The following CELF2 variants were observed in gnomAD, a reference collection of about 807,000 sequenced individuals.
CELF2 encodes CUG triplet repeat RNA-binding protein 2.
In CELF2, 8 loss-of-function variants were observed where a neutral mutation model predicts 62.6. The ratio of observed to expected loss-of-function variants is 0.13; its 90% CI spans 0.07 to 0.23. The LOEUF (loss-of-function observed/expected upper bound fraction) is 0.23, where lower values mean the gene tolerates loss of function less well. Ranked by LOEUF, CELF2 falls within the 10% of genes least tolerant of loss-of-function variation. The pLI, the probability that CELF2 is intolerant of heterozygous loss-of-function variation, is 1.00. For missense variants in CELF2, 333 were observed against 671.0 expected, an observed-to-expected ratio of 0.50 and a Z score of 5.56; for synonymous variants, 258 against 250.0, an observed-to-expected ratio of 1.03 and a Z score of -0.30.
chr10:11,105,274 G>T (rs1360024641), intron 1 of CELF2, among the ~76,000 whole-genome samples: 1 of 152,192 alleles, frequency 6.6e-6, no homozygotes, highest in Non-Finnish European at 1.5e-5. Flanking sequence ...CTTCCTGGTT[G>T]TGTGGCTTTG....
At chr10:11,258,446 A>G (rs930636253) in intron 5 of CELF2, among the ~76,000 whole-genome samples, 14 of 152,208 alleles carry the variant, frequency 9.2e-5, no homozygotes, top group Admixed American at 4.6e-4. Context: ...CAGAAAAGCG[A>G]CTTTACCCTG....
At chr10:10,646,645 G>A in the CELF2 span, among the ~76,000 whole-genome samples, 8 of 152,292 alleles carry the variant, frequency 5.3e-5, no homozygotes, top group Non-Finnish European at 1.2e-4. Flanking sequence ...TCCAAATCTA[G>A]TATTACTTCC....
intron 1 of CELF2, among the ~76,000 whole-genome samples, chr10:11,029,555 T>C (rs1252780999): frequency 9.2e-5 from 14 of 152,232 alleles, no homozygotes; most frequent in Non-Finnish European, 2.1e-4. Flanking sequence ...GCTGTGAATG[T>C]GACCTCCAAA....
chr10:10,922,111 AT>A (rs1430819298), intron 2 of CELF2, among the ~76,000 whole-genome samples: 1 of 127,426 alleles, frequency 7.8e-6, no homozygotes, highest in Non-Finnish European at 1.6e-5. Flanking sequence ...ATCAAGATTA[AT>A]ATTGCCAAAA....
the CELF2 span, among the ~76,000 whole-genome samples, chr10:10,640,544 G>C: frequency 6.6e-6 from 1 of 152,156 alleles, no homozygotes; most frequent in Admixed American, 6.5e-5. Flanking sequence ...ATAATGGTCT[G>C]ATTCTGTAAT....
chr10:10,623,382 C>G, the CELF2 span, among the ~76,000 whole-genome samples: 1 of 152,246 alleles, frequency 6.6e-6, no homozygotes, highest in Non-Finnish European at 1.5e-5. Context: ...TAATTTACTC[C>G]GAATTACCTC....
At chr10:10,723,718 T>A in the CELF2 span, among the ~76,000 whole-genome samples, 1 of 152,218 alleles carries the variant, frequency 6.6e-6, no homozygotes, top group Non-Finnish European at 1.5e-5. Context: ...TGTACCATTC[T>A]GGGAGGACGA....
rs1438096164 is a variant in CELF2, at chr10:11,012,439, C to T, written c.53+6999C>T. The stretch of plus-strand genomic sequence containing the variant: ...ACATTCAGGCACATGGGCTGTCATG[C>T]CCAGAGAGATTCCCTCTGAAGTAGA... On this transcript the variant is annotated intron_variant, in intron 1 of 12. Coordinates refer to the CELF2 transcript ENST00000416382. This position sits in a 1 kb window ranked among gnomAD's most constrained non-coding sequence, Gnocchi z 5.5. Among the ~76,000 whole-genome samples, 2 of 152,176 alleles carry T rather than the reference C, an allele frequency of 1.3e-5. No homozygotes were observed.
chr10:10,708,399 A>C, the CELF2 span, among the ~76,000 whole-genome samples: 2 of 152,222 alleles, frequency 1.3e-5, no homozygotes, highest in African/African-American at 2.4e-5. Flanking sequence ...CAAAGTAATT[A>C]ATTTATGTAT....
intron 1 of CELF2, among the ~76,000 whole-genome samples, chr10:10,806,847 C>T (rs560733131): frequency 3.9e-5 from 6 of 152,050 alleles, no homozygotes; most frequent in South Asian, 2.1e-4. Flanking sequence ...GGATCCAGTC[C>T]GGTTTTACAG....
At chr10:10,505,050 T>C in the CELF2 span, among the ~76,000 whole-genome samples, 2 of 152,238 alleles carry the variant, frequency 1.3e-5, no homozygotes, top group African/African-American at 4.8e-5. Context: ...ATTGATTTTT[T>C]CCATTCATTT....
At chr10:11,104,824 AATGAC>A (rs1021377520) in intron 1 of CELF2, among the ~76,000 whole-genome samples, 1 of 152,244 alleles carries the variant, frequency 6.6e-6, no homozygotes, top group Admixed American at 6.5e-5. Flanking sequence ...CTGGGAAAAC[AATGAC>A]ATGTTCAGAG....
chr10:11,090,527 C>A (rs1211795031), intron 1 of CELF2, among the ~76,000 whole-genome samples: 2 of 152,118 alleles, frequency 1.3e-5, no homozygotes, highest in Non-Finnish European at 2.9e-5. Context: ...TTAACAGACT[C>A]ACTTGAGAGG....
chr10:10,990,495 G>A lies in CELF2; in HGVS notation c.89+70496G>A, dbSNP rs541177793. On this transcript the variant is annotated intron_variant, in intron 2 of 13. Coordinates refer to the CELF2 transcript ENST00000636488. The surrounding 1 kb of genome is among the most constrained non-coding windows in gnomAD (Gnocchi z 4.6). ...TTTGTAATCATTAAAAACAATAAAC[G>A]TTATTTTTAAGAGAATCATGTTCTA... is the stretch of plus-strand genomic sequence containing the variant. 1.1e-3 allele frequency among the ~76,000 whole-genome samples: 169 copies of A among 152,034 alleles called. No homozygotes were observed. The highest frequency in any genetic ancestry group is 6.8e-3 in the Middle Eastern group (2 of 294).
At chr10:11,209,736 A>AT (rs1471763495) in intron 2 of CELF2, among the ~76,000 whole-genome samples, 4 of 151,554 alleles carry the variant, frequency 2.6e-5, no homozygotes, top group African/African-American at 9.7e-5. Flanking sequence ...TGCATGGCAG[A>AT]TTCGCTTGAG....
Position 11,328,942 on chromosome 10 carries a change from C to A in CELF2, c.1455C>A (p.Asp485Glu). ...ATTTTCCAGGTTTTGTTAGCTACGA[C>A]AATCCAGTCTCTGCACAAGCTGCTA... is the stretch of plus-strand genomic sequence containing the variant. The part of the protein sequence containing the change: ...LSKCFGFVSY[D>E]NPVSAQAAIQ... The change falls in exon 13 of 13, where the codon GAC (aspartate) becomes GAA (glutamate). Residue 485 changes from aspartate (D) to glutamate (E), a missense_variant. Asp to Glu is a conservative substitution (Grantham distance 45). Transcript: ENST00000633077. This position sits in a 1 kb window ranked among gnomAD's most constrained non-coding sequence, Gnocchi z 6.4. 3.7e-6 allele frequency: 6 copies of A among 1,609,108 alleles called. No homozygotes were observed. Among genetic ancestry groups the A allele is most frequent in the Non-Finnish European group, 5.1e-6 (6 of 1,176,744 alleles).
chr10:11,079,252 C>T, intron 1 of CELF2, among the ~76,000 whole-genome samples: 1 of 152,156 alleles, frequency 6.6e-6, no homozygotes, highest in East Asian at 1.9e-4. Context: ...CTAAAGTCCT[C>T]TCACCTAAAT....
the CELF2 span, among the ~76,000 whole-genome samples, chr10:10,651,706 C>G: frequency 5.3e-5 from 8 of 151,450 alleles, no homozygotes; most frequent in Non-Finnish European, 7.4e-5. Flanking sequence ...ACATCTACAC[C>G]GAAAACCCAT....
At chr10:10,771,796 G>A in the CELF2 span, among the ~76,000 whole-genome samples, 5 of 152,188 alleles carry the variant, frequency 3.3e-5, no homozygotes, top group African/African-American at 1.2e-4. Flanking sequence ...TTTGTAAATT[G>A]CCCAGTCTTG....
Sources: gnomAD v4.1 joint callset for allele counts (sites outside exome capture counted in the v4.1 genomes callset) on GRCh38, gnomAD v4.1.1 for gene constraint, Gnocchi (gnomAD v3.1) non-coding constraint, MANE v1.5 for transcripts, NCBI Gene and HGNC (gene_info 2026-07-23, HGNC 2026-07-21) for gene names.